XIRP2: variants seen among roughly 807,000 people sequenced by gnomAD.
XIRP2 encodes the protein xin actin-binding repeat-containing protein 2.
XIRP2 carries 236 observed loss-of-function variants against 277.0 expected under a neutral mutation model. The ratio of observed to expected loss-of-function variants is 0.85; its 90% confidence interval spans 0.77 to 0.95. The LOEUF (loss-of-function observed/expected upper bound fraction) is 0.95, where lower values mean the gene tolerates loss of function less well. Among genes scored for constraint, XIRP2 ranks in the 40% least tolerant of loss-of-function variants. XIRP2 has a pLI of 0.00. For missense variants in XIRP2, 4,640 were observed against 4,157.5 expected, an observed-to-expected ratio of 1.12 and a Z score of -3.19; for synonymous variants, 1,490 against 1,416.5, an observed-to-expected ratio of 1.05 and a Z score of -1.17.
Position 167,245,703 on chromosome 2 carries a change from A to G in XIRP2, c.4311A>G (p.Arg1437=), listed in dbSNP as rs181804701. 1.9e-6 allele frequency: 3 copies of G among 1,613,670 alleles called. No individual in the cohort carries two copies. The Admixed American group carries it at 5.0e-5, about 27-fold the overall frequency. Reference sequence around the variant, plus strand: ...ATTTTGATAAGAATAACTATATACGAACAGTAAGTGTCAATGAAATACAAA... The same window carrying G: ...ATTTTGATAAGAATAACTATATACGGACAGTAAGTGTCAATGAAATACAAA... ...SENFDKNNYI[R]TVSVNEIQKG... Residue 1437 remains arginine (R), a synonymous_variant, in exon 9 of 11, where the codon CGA becomes CGG. Coordinates refer to ENST00000409195, the MANE Select transcript of XIRP2 (RefSeq NM_152381.6).
At chr2:167,236,415 T>G (rs1694900424) in intron 5 of XIRP2, among the ~76,000 whole-genome samples, 1 of 152,030 alleles carries the variant, frequency 6.6e-6, no homozygotes, top group Non-Finnish European at 1.5e-5. Flanking sequence ...TTAGAAGATG[T>G]GCATATCAAC....
chr2:167,234,976 C>A (rs932489717), intron 5 of XIRP2, among the ~76,000 whole-genome samples: 4 of 151,766 alleles, frequency 2.6e-5, no homozygotes, highest in Admixed American at 6.6e-5. Flanking sequence ...AACATAGAAA[C>A]GAGTTTGTTT....
At position 167,135,908 on chromosome 2, in the gene XIRP2, G is replaced by A. The variant is rs763204426; in HGVS notation, c.409-1G>A. The A allele has an allele frequency of 9.4e-6, 15 of 1,596,280 alleles. No individual in the cohort carries two copies. Among genetic ancestry groups the A allele is most frequent in the Non-Finnish European group, 1.2e-5 (14 of 1,172,226 alleles). On this transcript the variant is annotated splice_acceptor_variant, in intron 2 of 10. Coordinates refer to ENST00000409195, the MANE Select transcript of XIRP2 (RefSeq NM_152381.6). LOFTEE classifies it high-confidence loss of function. ...TACAACCCTTTAATGTCTTGTAACA[G>A]GAAGTGGAAATTGAGCGAAGTTTGT...
chr2:167,204,522 A>C (rs965540351), intron 3 of XIRP2, among the ~76,000 whole-genome samples: 1 of 152,208 alleles, frequency 6.6e-6, no homozygotes, highest in African/African-American at 2.4e-5. Flanking sequence ...GAACTGGTGC[A>C]GGTTTTAGAA....
At chr2:166,987,641 G>T (rs1353688540) in intron 2 of XIRP2, among the ~76,000 whole-genome samples, 1 of 152,110 alleles carries the variant, frequency 6.6e-6, no homozygotes, top group Admixed American at 6.5e-5. Flanking sequence ...GTAGCATCCA[G>T]ATCTTGTTCT....
chr2:167,227,327 G>A (rs1480623006), intron 5 of XIRP2, among the ~76,000 whole-genome samples: 1 of 152,096 alleles, frequency 6.6e-6, no homozygotes, highest in African/African-American at 2.4e-5. Flanking sequence ...CCAATTTACT[G>A]ATACTCTAAT....
At chr2:167,043,523 C>T (rs1688716126) in intron 2 of XIRP2, among the ~76,000 whole-genome samples, 1 of 151,868 alleles carries the variant, frequency 6.6e-6, no homozygotes, top group Non-Finnish European at 1.5e-5. Flanking sequence ...TACCAGCAAC[C>T]CCACAGAACT....
intron 2 of XIRP2, among the ~76,000 whole-genome samples, chr2:167,013,462 G>A (rs1316746919): frequency 2.0e-5 from 3 of 151,442 alleles, no homozygotes; most frequent in Non-Finnish European, 4.4e-5. Flanking sequence ...GGGAGAAGCT[G>A]AGATACTGCA....
chr2:167,253,136 A>C (rs570694529), intron 9 of XIRP2, among the ~76,000 whole-genome samples: 70 of 152,046 alleles, frequency 4.6e-4, no homozygotes, highest in African/African-American at 1.5e-3. Flanking sequence ...TTTCTTTTAT[A>C]AATAACTAAT....
chr2:167,037,926 A>G (rs1688557164), intron 2 of XIRP2, among the ~76,000 whole-genome samples: 1 of 151,962 alleles, frequency 6.6e-6, no homozygotes, highest in South Asian at 2.1e-4. Flanking sequence ...AATTTTTTAT[A>G]TTCTAGATTT....
At chr2:167,151,749 C>G (rs532248941) in intron 3 of XIRP2, among the ~76,000 whole-genome samples, 106 of 152,114 alleles carry the variant, frequency 7.0e-4, no homozygotes, top group African/African-American at 2.5e-3. Context: ...GGCTTACTTT[C>G]TGGCTAAGAA....
chr2:166,973,384 G>A (rs1686626890), intron 2 of XIRP2, among the ~76,000 whole-genome samples: 3 of 152,092 alleles, frequency 2.0e-5, no homozygotes, highest in African/African-American at 7.2e-5. Flanking sequence ...TTTGTTCCAA[G>A]TACCCTACAA....
intron 3 of XIRP2, among the ~76,000 whole-genome samples, chr2:167,139,234 T>A (rs139680385): frequency 8.5e-4 from 129 of 152,140 alleles, no homozygotes; most frequent in African/African-American, 2.8e-3. Flanking sequence ...TTGAAAAATA[T>A]ACTCTTCCTG....
intron 2 of XIRP2, among the ~76,000 whole-genome samples, chr2:167,065,312 G>C (rs369252616): frequency 6.6e-6 from 1 of 151,710 alleles, no homozygotes; most frequent in Admixed American, 6.6e-5. Flanking sequence ...TTAAAGAAAC[G>C]TCTATTCAAC....
chr2:167,250,538 T>G lies in XIRP2; in HGVS notation c.9146T>G (p.Leu3049Arg). Residue 3049 changes from leucine to arginine, a missense_variant, in exon 9 of 11, where the codon CTT becomes CGT. Coordinates refer to ENST00000409195, the MANE Select transcript of XIRP2 (RefSeq NM_152381.6). ...TGKPGNKPTS[L>R]DETSSKVSNV... The stretch of plus-strand genomic sequence containing the variant: ...AAACCGGGAAATAAACCCACTAGTC[T>G]TGATGAAACATCATCCAAAGTATCT... 1 of 1,613,634 alleles carries G rather than the reference T, an allele frequency of 6.2e-7. No homozygotes were observed. Among genetic ancestry groups the G allele is most frequent in the Non-Finnish European group, 8.5e-7 (1 of 1,179,710 alleles).
At chr2:166,903,939 C>A in intron 2 of XIRP2, 49 bp downstream of exon 2, 1 of 1,560,210 alleles carries the variant, frequency 6.4e-7, no homozygotes, top group South Asian at 1.2e-5. Context: ...ACTTCCTTGC[C>A]TAGCCTACCA....
intron 1 of XIRP2, among the ~76,000 whole-genome samples, chr2:166,895,175 C>T (rs540190794): frequency 2.6e-5 from 4 of 152,290 alleles, no homozygotes; most frequent in African/African-American, 9.6e-5. Flanking sequence ...GAGTTTACTA[C>T]TTTAATTAGA....
chr2:167,225,616 A>G (rs1009113207), intron 5 of XIRP2, among the ~76,000 whole-genome samples: 6 of 152,158 alleles, frequency 3.9e-5, no homozygotes, highest in Non-Finnish European at 7.3e-5. Flanking sequence ...GCCAGCAAAT[A>G]CTCATGAACC....
At chr2:167,083,146 T>G (rs1689796797) in intron 2 of XIRP2, among the ~76,000 whole-genome samples, 1 of 152,216 alleles carries the variant, frequency 6.6e-6, no homozygotes, top group South Asian at 2.1e-4. Context: ...GGATCCAGTT[T>G]CAGCTTTCTA....
Sources: gnomAD v4.1 joint callset for allele counts (sites outside exome capture counted in the v4.1 genomes callset) on GRCh38, gnomAD v4.1.1 for gene constraint, MANE v1.5 for transcripts, NCBI Gene and HGNC (gene_info 2026-07-23, HGNC 2026-07-21) for gene names.